UACA: variants seen among roughly 807,000 people sequenced by gnomAD.
UACA encodes the protein uveal autoantigen with coiled-coil domains and ankyrin repeats, also known as nuclear membrane binding protein.
A neutral mutation model predicts 160.5 loss-of-function variants in UACA; 112 were observed. That is an observed-to-expected ratio of 0.70 (90% CI 0.60 to 0.82). UACA has a LOEUF of 0.82. Among genes scored for constraint, UACA ranks in the 40% least tolerant of loss-of-function variants. The pLI is 0.00. For missense variants in UACA, 1,574 were observed against 1,614.6 expected (o/e 0.97, Z 0.43); for synonymous variants, 557 against 568.4 (o/e 0.98, Z 0.29).
At chr15:70,683,550 A>G (rs1228559756) in intron 8 of UACA, among the ~76,000 whole-genome samples, 5 of 152,194 alleles carry the variant, frequency 3.3e-5, no homozygotes, top group Non-Finnish European at 7.3e-5. Context: ...TTTGTGTATT[A>G]ATGAATAATT....
intron 1 of UACA, chr15:70,749,439 T>A: frequency 5.8e-6 from 1 of 172,234 alleles, no homozygotes; most frequent in Non-Finnish European, 1.3e-5. Flanking sequence ...GGCAGGAGAA[T>A]GACGTGAACC....
intron 17 of UACA, chr15:70,661,305 T>A (rs182459711): frequency 6.6e-6 from 1 of 152,320 alleles, no homozygotes; most frequent in Non-Finnish European, 1.5e-5. Context: ...TCTCTCATCT[T>A]GTGATTTTTA....
At position 70,672,137 on chromosome 15, in the gene UACA, A is replaced by G. The variant is rs562529435; in HGVS notation, c.1132-136T>C. 53 of 605,706 alleles carry G rather than the reference A, an allele frequency of 8.8e-5. 1 individual carries two copies. Among genetic ancestry groups the G allele is most frequent in the Non-Finnish European group, 1.3e-4 (52 of 385,936 alleles). The allele number at this position is 605,706 out of a possible 1,614,324, so 37.5% of individuals were successfully genotyped here. ...TCTTGTTTCTCCAGAGCATTATTCT[A>G]CTCAAACCCACAAAAAGAAACAACA... On this transcript the variant is annotated intron_variant, in intron 13 of 18. Transcript: ENST00000322954.
At chr15:70,706,460 A>C (rs1046500689) in intron 1 of UACA, among the ~76,000 whole-genome samples, 2 of 151,864 alleles carry the variant, frequency 1.3e-5, no homozygotes, top group African/African-American at 4.8e-5. Context: ...AAAGACATCC[A>C]AATCAGAAAG....
intron 1 of UACA, among the ~76,000 whole-genome samples, chr15:70,759,333 C>G (rs1036836187): frequency 1.3e-5 from 2 of 152,100 alleles, no homozygotes; most frequent in Admixed American, 1.3e-4. Flanking sequence ...TTTAGAAATC[C>G]GAAGCTCCAA....
At chr15:70,695,529 C>G (rs984187262) in intron 2 of UACA, among the ~76,000 whole-genome samples, 1 of 152,114 alleles carries the variant, frequency 6.6e-6, no homozygotes, top group Non-Finnish European at 1.5e-5. Context: ...AAGACAGATC[C>G]AAACACTTAC....
At chr15:70,681,637 CA>C (rs1897510283) in intron 9 of UACA, 1 of 152,040 alleles carries the variant, frequency 6.6e-6, no homozygotes, top group African/African-American at 2.4e-5. Context: ...TAGCAGTGTA[CA>C]TTTTTTTTCA....
intron 1 of UACA, among the ~76,000 whole-genome samples, chr15:70,736,446 G>A (rs1054170926): frequency 6.6e-6 from 1 of 151,440 alleles, no homozygotes; most frequent in Non-Finnish European, 1.5e-5. Flanking sequence ...TGCTTTTTTT[G>A]GGGGGTGGGA....
chr15:70,737,923 A>G (rs1211970942), intron 1 of UACA, among the ~76,000 whole-genome samples: 2 of 152,132 alleles, frequency 1.3e-5, no homozygotes, highest in Non-Finnish European at 2.9e-5. Flanking sequence ...ACAATTCAAT[A>G]ATTTGCTTGC....
At chr15:70,747,038 TTGA>T (rs1566998418) in intron 1 of UACA, among the ~76,000 whole-genome samples, 1 of 151,908 alleles carries the variant, frequency 6.6e-6, no homozygotes. Flanking sequence ...AGATGATGGG[TTGA>T]TGTGTGCAGC....
chr15:70,755,703 C>T (rs567223918), intron 1 of UACA, among the ~76,000 whole-genome samples: 1 of 151,688 alleles, frequency 6.6e-6, no homozygotes, highest in African/African-American at 2.4e-5. Context: ...GAATGAAAAC[C>T]TTCCTTTACC....
rs375025420 is a variant in UACA, at chr15:70,687,966, A to AT, written c.425-147_425-146insA. The AT allele has an allele frequency of 1.8e-4, 123 of 690,628 alleles. No individual in the cohort carries two copies. The African/African-American group carries it at 2.1e-3, about 12-fold the overall frequency. The allele number at this position is 690,628 out of a possible 1,614,324, so 42.8% of individuals were successfully genotyped here. On this transcript the variant is annotated intron_variant, in intron 5 of 18. Transcript: ENST00000322954. The stretch of plus-strand genomic sequence containing the variant: ...TCACTCTTAGTTTAGCATTATAAGC[A>AT]CAATTTTTCATCTGAAAATGGATTA...
intron 17 of UACA, among the ~76,000 whole-genome samples, chr15:70,662,181 A>T (rs1896732065): frequency 6.6e-6 from 1 of 152,230 alleles, no homozygotes; most frequent in Non-Finnish European, 1.5e-5. Flanking sequence ...TACAAAATCA[A>T]TGTGCAAAAA....
In UACA at chr15:70,656,879, C is replaced by G. The variant is rs964461730; in HGVS notation, c.*177G>C. 11 of 484,390 alleles carry G rather than the reference C, an allele frequency of 2.3e-5. No individual in the cohort carries two copies. Among genetic ancestry groups the G allele is most frequent in the Non-Finnish European group, 3.7e-5 (10 of 272,948 alleles). The allele number at this position is 484,390 out of a possible 1,614,324, so 30.0% of individuals were successfully genotyped here. On this transcript the variant is annotated 3_prime_UTR_variant, in exon 19 of 19. Transcript: ENST00000322954. The stretch of plus-strand genomic sequence containing the variant: ...ACACATACAGAAAATAAGATTCAAA[C>G]TGATATTGAAAAAGACTAACATATT...
intron 1 of UACA, among the ~76,000 whole-genome samples, chr15:70,738,277 G>A (rs559926862): frequency 1.1e-4 from 16 of 151,402 alleles, no homozygotes; most frequent in Non-Finnish European, 2.4e-4. Context: ...GCTTCTGCTT[G>A]TACCCTTGCC....
chr15:70,778,254 T>C, the UACA span, among the ~76,000 whole-genome samples: 3 of 152,130 alleles, frequency 2.0e-5, no homozygotes, highest in African/African-American at 7.2e-5. Flanking sequence ...AAACTTTACA[T>C]GCCCATAGGC....
chr15:70,668,591 G>C lies in UACA; in HGVS notation c.2093C>G (p.Ser698Ter). 1.2e-6 allele frequency: 2 copies of C among 1,613,480 alleles called. No homozygotes were observed. The highest frequency in any genetic ancestry group is 1.7e-6 in the Non-Finnish European group (2 of 1,179,946). ...EQVKSRLEQK[S>*]GELGKKITEL... The stretch of plus-strand genomic sequence containing the variant: ...AGTGATCTTCTTCCCAAGTTCTCCT[G>C]ATTTCTGTTCTAATCTGCTCTTAAC... The change falls in exon 16 of 19, where the codon TCA (serine) becomes TGA (stop). Residue 698 changes from serine (S) to a stop codon, truncating the protein, a stop_gained. Coordinates refer to ENST00000322954, the MANE Select transcript of UACA (RefSeq NM_018003.4). LOFTEE classifies it high-confidence loss of function.
rs527403657 is a variant in UACA at position 70,658,144 on chromosome 15, C to T, written c.4180-1017G>A. On this transcript the variant is annotated intron_variant, in intron 18 of 18. Transcript: ENST00000322954. Reference sequence around the variant, plus strand: ...TAAAAAACCCATATTTATGTTTTTACGTAAATAAGATTATATAACACATAC... The same window carrying T: ...TAAAAAACCCATATTTATGTTTTTATGTAAATAAGATTATATAACACATAC... 3.9e-5 allele frequency among the ~76,000 whole-genome samples: 6 copies of T among 152,178 alleles called. No homozygotes were observed. The East Asian group carries it at 9.7e-4, about 24-fold the overall frequency.
chr15:70,659,990 G>A (rs1411185707), intron 18 of UACA, among the ~76,000 whole-genome samples, 161 bp downstream of exon 18: 1 of 152,038 alleles, frequency 6.6e-6, no homozygotes, highest in Non-Finnish European at 1.5e-5. Flanking sequence ...ATTTTTCTGG[G>A]AGATCCACAA....
Sources: gnomAD v4.1 joint callset for allele counts (sites outside exome capture counted in the v4.1 genomes callset) on GRCh38, gnomAD v4.1.1 for gene constraint, MANE v1.5 for transcripts, NCBI Gene and HGNC (gene_info 2026-07-23, HGNC 2026-07-21) for gene names.